SRGAP3: variants seen among roughly 807,000 people sequenced by gnomAD.
SRGAP3 encodes the protein SLIT-ROBO Rho GTPase-activating protein 3.
A neutral mutation model predicts 121.1 loss-of-function variants in SRGAP3; 39 were observed. That is an observed-to-expected ratio of 0.32 (90% CI 0.25 to 0.42). The LOEUF (loss-of-function observed/expected upper bound fraction) is 0.42. SRGAP3 is among the 10% of genes least tolerant of loss of function. SRGAP3 has a pLI of 1.00. For missense variants in SRGAP3, 1,213 were observed against 1,470.6 expected (o/e 0.82, Z 2.86); for synonymous variants, 601 against 570.0 (o/e 1.05, Z -0.77).
chr3:9,249,765 CA>C (rs1953957583), upstream of SRGAP3: 1 of 214,634 alleles, frequency 4.7e-6, no homozygotes, highest in Non-Finnish European at 9.4e-6. Context: ...TCACTGCAAG[CA>C]AAAAGGGGAA....
At chr3:9,072,599 C>A (rs1946771387) in intron 4 of SRGAP3, among the ~76,000 whole-genome samples, 1 of 152,222 alleles carries the variant, frequency 6.6e-6, no homozygotes, top group Non-Finnish European at 1.5e-5. Context: ...TGAGCCAGGA[C>A]CCTGGTCTCC....
intron 9 of SRGAP3, among the ~76,000 whole-genome samples, chr3:9,048,175 C>T (rs2125144692): frequency 6.6e-6 from 1 of 152,372 alleles, no homozygotes; most frequent in South Asian, 2.1e-4. Context: ...CACCTCAGAG[C>T]AGTACTGAGG....
At chr3:9,049,777 CTT>C (rs34472476) in intron 9 of SRGAP3, among the ~76,000 whole-genome samples, 2 of 142,634 alleles carry the variant, frequency 1.4e-5, no homozygotes, top group Non-Finnish European at 1.5e-5. Flanking sequence ...TGAGAACCTA[CTT>C]TTTTTTTTTT....
chr3:9,008,495 G>C (rs1472710702), intron 18 of SRGAP3: 1 of 152,856 alleles, frequency 6.5e-6, no homozygotes, highest in African/African-American at 2.4e-5. Context: ...GAGATGGACA[G>C]AAGGAGATCC....
At chr3:9,038,996 C>T (rs1944899739) in intron 10 of SRGAP3, among the ~76,000 whole-genome samples, 1 of 152,164 alleles carries the variant, frequency 6.6e-6, no homozygotes, top group Non-Finnish European at 1.5e-5. Flanking sequence ...TCTGGAGGCA[C>T]TACTGCTTCC....
intron 1 of SRGAP3, among the ~76,000 whole-genome samples, chr3:9,339,120 C>T (rs1189315751): frequency 6.6e-6 from 1 of 152,202 alleles, no homozygotes. Context: ...ATATTTGAAT[C>T]CTGTCAGCCC....
chr3:9,083,362 C>T (rs535145720), intron 3 of SRGAP3, among the ~76,000 whole-genome samples: 183 of 152,370 alleles, frequency 1.2e-3, no homozygotes, highest in African/African-American at 4.3e-3. Flanking sequence ...TCCCAAGGCT[C>T]CTCCTTGTCC....
chr3:9,182,338 A>G (rs996360027), intron 1 of SRGAP3, among the ~76,000 whole-genome samples: 1 of 152,088 alleles, frequency 6.6e-6, no homozygotes, highest in African/African-American at 2.4e-5. Context: ...ATATCCTTGT[A>G]AAAAGGGGAA....
intron 3 of SRGAP3, among the ~76,000 whole-genome samples, chr3:9,092,707 T>G (rs972159504): frequency 6.6e-6 from 1 of 152,224 alleles, no homozygotes; most frequent in African/African-American, 2.4e-5. Context: ...TGCCTTAGTA[T>G]AGAAAGCATA....
At chr3:9,132,399 A>G (rs748406348) in intron 1 of SRGAP3, among the ~76,000 whole-genome samples, 32 of 152,052 alleles carry the variant, frequency 2.1e-4, no homozygotes, top group Non-Finnish European at 4.0e-4. Flanking sequence ...TGCTCCACCT[A>G]TTTCGCCCCT....
intron 3 of SRGAP3, among the ~76,000 whole-genome samples, chr3:9,270,955 A>G (rs1480369305): frequency 6.6e-6 from 1 of 152,140 alleles, no homozygotes; most frequent in Non-Finnish European, 1.5e-5. Context: ...TGCTGCCCAG[A>G]TCCCCCTGCA....
intron 1 of SRGAP3, among the ~76,000 whole-genome samples, chr3:9,207,047 C>T (rs955762047): frequency 2.0e-5 from 3 of 152,168 alleles, no homozygotes; most frequent in African/African-American, 7.2e-5. Flanking sequence ...GGTGACCAAC[C>T]ATCAAGGCTC....
At chr3:9,276,958 C>T (rs1449962020) in intron 3 of SRGAP3, among the ~76,000 whole-genome samples, 1 of 152,254 alleles carries the variant, frequency 6.6e-6, no homozygotes, top group African/African-American at 2.4e-5. Context: ...ATTCAGAGCT[C>T]TTAACCAGCA....
At chr3:9,338,097 G>C (rs1488470999) in intron 1 of SRGAP3, among the ~76,000 whole-genome samples, 2 of 152,146 alleles carry the variant, frequency 1.3e-5, no homozygotes, top group Non-Finnish European at 1.5e-5. Flanking sequence ...TTGAAGTCGT[G>C]TGCAGTGATA....
chr3:9,116,875 A>G (rs1948824278), intron 2 of SRGAP3, among the ~76,000 whole-genome samples: 2 of 152,226 alleles, frequency 1.3e-5, no homozygotes, highest in African/African-American at 4.8e-5. Flanking sequence ...CTAGAAAGAT[A>G]AAGACAGCCC....
At chr3:9,105,884 T>C (rs1948403113) in intron 2 of SRGAP3, among the ~76,000 whole-genome samples, 2 of 152,222 alleles carry the variant, frequency 1.3e-5, no homozygotes, top group South Asian at 4.1e-4. Flanking sequence ...TAGCCTACCC[T>C]ACCTTAAACG....
chr3:9,260,190 A>C (rs1038835352), intron 3 of SRGAP3, among the ~76,000 whole-genome samples: 4 of 152,052 alleles, frequency 2.6e-5, no homozygotes, highest in African/African-American at 9.7e-5. Flanking sequence ...CTACACCACC[A>C]GGGCCCTGGG....
chr3:9,285,981 C>CGT (rs1373411020), intron 3 of SRGAP3, among the ~76,000 whole-genome samples: 1 of 151,750 alleles, frequency 6.6e-6, no homozygotes, highest in East Asian at 1.9e-4. Context: ...AGCTTAGTGA[C>CGT]GTGCACCTGT....
At chr3:9,149,173 C>G (rs1332763852) in intron 1 of SRGAP3, among the ~76,000 whole-genome samples, 1 of 147,174 alleles carries the variant, frequency 6.8e-6, no homozygotes, top group Non-Finnish European at 1.5e-5. Flanking sequence ...GAGATCGCGC[C>G]ACTGCACTCC....
Sources: gnomAD v4.1 joint callset for allele counts (sites outside exome capture counted in the v4.1 genomes callset) on GRCh38, gnomAD v4.1.1 for gene constraint, MANE v1.5 for transcripts, NCBI Gene and HGNC (gene_info 2026-07-23, HGNC 2026-07-21) for gene names.